Variants in NPSR1 observed in about 807,000 individuals in gnomAD.
The protein encoded by NPSR1 is neuropeptide S receptor.
Under a neutral mutation model 46.9 loss-of-function variants are expected in NPSR1, and 48 were observed. That is an observed-to-expected ratio of 1.02 (90% CI 0.81 to 1.30). The LOEUF (loss-of-function observed/expected upper bound fraction) is 1.30, where lower values mean the gene tolerates loss of function less well. NPSR1 is among the 50% of genes most tolerant of loss of function. The pLI, the probability that NPSR1 is intolerant of heterozygous loss-of-function variation, is 0.00. For synonymous variants in NPSR1, 176 were observed against 168.1 expected, an observed-to-expected ratio of 1.05 and a Z score of -0.36; for missense variants, 450 against 449.5, an observed-to-expected ratio of 1.00 and a Z score of -0.01.
chr7:34,841,560 G>C (rs1450931971), intron 6 of NPSR1, among the ~76,000 whole-genome samples: 1 of 152,218 alleles, frequency 6.6e-6, no homozygotes, highest in Non-Finnish European at 1.5e-5. Flanking sequence ...ACCAAGGCCT[G>C]AGTAGAAATA....
intron 2 of NPSR1, among the ~76,000 whole-genome samples, chr7:34,745,879 G>C (rs942875382): frequency 6.6e-6 from 1 of 152,188 alleles, no homozygotes; most frequent in Non-Finnish European, 1.5e-5. Flanking sequence ...TTGCACATCT[G>C]ATTTCTGTGT....
chr7:34,779,120 AG>A (rs1787115863), intron 3 of NPSR1, among the ~76,000 whole-genome samples: 1 of 152,118 alleles, frequency 6.6e-6, no homozygotes, highest in Non-Finnish European at 1.5e-5. Flanking sequence ...TTTAGATTAA[AG>A]ATATTGATGC....
intron 2 of NPSR1, among the ~76,000 whole-genome samples, chr7:34,761,944 C>T (rs1786193722): frequency 1.3e-5 from 2 of 152,190 alleles, no homozygotes. Flanking sequence ...GAACCTGATG[C>T]TTGTGCTTAT....
At chr7:34,690,259 A>G (rs1793180637) in intron 2 of NPSR1, among the ~76,000 whole-genome samples, 1 of 149,106 alleles carries the variant, frequency 6.7e-6, no homozygotes, top group Non-Finnish European at 1.5e-5. Context: ...ACATCCAAAT[A>G]AAAGCAAATT....
intron 1 of NPSR1, among the ~76,000 whole-genome samples, chr7:34,675,490 C>A (rs1447167924): frequency 1.3e-5 from 2 of 152,214 alleles, no homozygotes; most frequent in Non-Finnish European, 2.9e-5. Context: ...TTTCAAATGA[C>A]CTTTTCTGTG....
intron 1 of NPSR1, among the ~76,000 whole-genome samples, chr7:34,659,493 G>A (rs182089829): frequency 5.1e-4 from 78 of 152,300 alleles, no homozygotes; most frequent in Admixed American, 2.6e-3. Context: ...TTTACACAAT[G>A]AGATAGCATT....
intron 2 of NPSR1, among the ~76,000 whole-genome samples, chr7:34,705,722 T>C (rs1485843809): frequency 6.6e-6 from 1 of 152,180 alleles, no homozygotes; most frequent in Non-Finnish European, 1.5e-5. Context: ...TTATTGCACT[T>C]GTTTGCCAAG....
intron 3 of NPSR1, among the ~76,000 whole-genome samples, chr7:34,804,328 G>A (rs1788582131): frequency 6.6e-6 from 1 of 151,988 alleles, no homozygotes; most frequent in Non-Finnish European, 1.5e-5. Context: ...ATAGTCCGTG[G>A]CCAAGTGAGA....
At chr7:34,845,908 T>C (rs528566237) in intron 7 of NPSR1, among the ~76,000 whole-genome samples, 1 of 152,338 alleles carries the variant, frequency 6.6e-6, no homozygotes, top group Non-Finnish European at 1.5e-5. Flanking sequence ...CTTGCCCCTC[T>C]GGCAGCTCTT....
At chr7:34,741,097 T>C (rs185796619) in intron 2 of NPSR1, among the ~76,000 whole-genome samples, 55 of 152,386 alleles carry the variant, frequency 3.6e-4, no homozygotes, top group Admixed American at 8.5e-4. Flanking sequence ...ATTTCTTTTT[T>C]GTTACTTTTA....
intron 2 of NPSR1, among the ~76,000 whole-genome samples, chr7:34,724,008 T>C (rs541656838): frequency 1.3e-5 from 2 of 152,210 alleles, no homozygotes; most frequent in South Asian, 4.1e-4. Flanking sequence ...CCCATCTATC[T>C]TCCACACTGA....
intron 2 of NPSR1, among the ~76,000 whole-genome samples, chr7:34,775,770 A>G (rs1786927510): frequency 6.6e-6 from 1 of 151,804 alleles, no homozygotes; most frequent in South Asian, 2.1e-4. Context: ...TCTGCTACTA[A>G]TTTTGAGTTT....
chr7:34,678,625 G>A (rs992852633), intron 1 of NPSR1, among the ~76,000 whole-genome samples: 2 of 152,010 alleles, frequency 1.3e-5, no homozygotes, highest in Non-Finnish European at 2.9e-5. Context: ...AGGAGATCGA[G>A]ACCATCTTGG....
At chr7:34,849,221 T>C in intron 8 of NPSR1, 2 of 751,372 alleles carry the variant, frequency 2.7e-6, no homozygotes, top group Non-Finnish European at 4.6e-6. Context: ...TTAATGCCAG[T>C]GGTTGAAGTT....
intron 2 of NPSR1, among the ~76,000 whole-genome samples, chr7:34,687,361 C>T (rs565009824): frequency 1.6e-4 from 25 of 152,242 alleles, no homozygotes; most frequent in African/African-American, 5.5e-4. Flanking sequence ...TCTCACACTG[C>T]TATGAAGAAA....
intron 8 of NPSR1, among the ~76,000 whole-genome samples, chr7:34,856,913 G>A (rs553924074): frequency 5.8e-4 from 88 of 151,560 alleles, no homozygotes; most frequent in South Asian, 4.1e-4. Flanking sequence ...ATGTAGATGG[G>A]GGGGGAAATC....
chr7:34,751,130 T>G, intron 2 of NPSR1: 1 of 881,106 alleles, frequency 1.1e-6, no homozygotes, highest in Non-Finnish European at 2.0e-6. Flanking sequence ...CCCACTGTTT[T>G]CCACACTGGC....
At chr7:34,744,153 A>T (rs1225431033) in intron 2 of NPSR1, among the ~76,000 whole-genome samples, 4 of 152,126 alleles carry the variant, frequency 2.6e-5, no homozygotes, top group Non-Finnish European at 5.9e-5. Flanking sequence ...TACTTTATTT[A>T]TTCTAATGGG....
At chr7:34,804,318 A>G (rs1284670843) in intron 3 of NPSR1, among the ~76,000 whole-genome samples, 2 of 152,174 alleles carry the variant, frequency 1.3e-5, no homozygotes, top group African/African-American at 2.4e-5. Flanking sequence ...AGAAAGAATT[A>G]TAGTCCGTGG....
Sources: allele counts gnomAD v4.1 joint callset (sites outside exome capture counted in the v4.1 genomes callset), GRCh38; gene constraint gnomAD v4.1.1; transcripts MANE v1.5; gene names NCBI Gene and HGNC (gene_info 2026-07-23, HGNC 2026-07-21).